The following PPTC7 variants were observed in gnomAD, a reference collection of about 807,000 sequenced individuals.
PPTC7 encodes protein phosphatase targeting COQ7, also known as protein phosphatase PTC7 homolog.
PPTC7 carries 6 observed loss-of-function variants against 30.8 expected under a neutral mutation model. The observed-to-expected ratio is 0.19, with a 90% confidence interval of 0.11 to 0.38. PPTC7 has a LOEUF of 0.38. Among genes scored for constraint, PPTC7 ranks in the 10% least tolerant of loss-of-function variants. The pLI is 1.00. For synonymous variants in PPTC7, 163 were observed against 168.1 expected (o/e 0.97, Z 0.23); for missense variants, 218 against 404.8 (o/e 0.54, Z 3.96).
At chr12:110,572,495 G>C (rs553460426) in intron 1 of PPTC7, among the ~76,000 whole-genome samples, 2 of 152,116 alleles carry the variant, frequency 1.3e-5, no homozygotes, top group African/African-American at 2.4e-5. Context: ...AGTCCAAAAA[G>C]AAATAAATTC....
intron 1 of PPTC7, among the ~76,000 whole-genome samples, chr12:110,557,595 T>C (rs577817250): frequency 3.9e-5 from 6 of 152,292 alleles, no homozygotes; most frequent in African/African-American, 1.4e-4. Flanking sequence ...ACACATATAT[T>C]AGGCATACTC....
At chr12:110,577,453 A>G (rs2064599551) in intron 1 of PPTC7, among the ~76,000 whole-genome samples, 1 of 152,164 alleles carries the variant, frequency 6.6e-6, no homozygotes, top group Non-Finnish European at 1.5e-5. Context: ...ACTTTTTTAA[A>G]AGGACAACTC....
At position 110,552,988 on chromosome 12, in the gene PPTC7, C is replaced by T. The variant is rs1174989611; in HGVS notation, c.224-1020G>A. ...CCTGAGGTCAGGAGATCGAGACCAGCCTGACCAACATGGTGAAACCCCGTT... is the reference window on the plus strand; with the variant it reads ...CCTGAGGTCAGGAGATCGAGACCAGTCTGACCAACATGGTGAAACCCCGTT... On this transcript the variant is annotated intron_variant, in intron 1 of 5. Transcript: ENST00000354300. 2.6e-5 allele frequency among the ~76,000 whole-genome samples: 4 copies of T among 152,064 alleles called. No homozygotes were observed. The East Asian group carries it at 7.9e-4, about 30-fold the overall frequency.
At chr12:110,557,148 A>T (rs1415236178) in intron 1 of PPTC7, among the ~76,000 whole-genome samples, 3 of 152,250 alleles carry the variant, frequency 2.0e-5, no homozygotes, top group African/African-American at 7.2e-5. Context: ...GGGAGCCACT[A>T]GCCACATGTG....
At chr12:110,551,038 T>C (rs2064346415) in intron 2 of PPTC7, among the ~76,000 whole-genome samples, 1 of 152,230 alleles carries the variant, frequency 6.6e-6, no homozygotes, top group Non-Finnish European at 1.5e-5. Context: ...TCTCTTCCCT[T>C]CACAACATGT....
rs1204535112 is a variant in PPTC7, at chr12:110,583,017, G to C, written c.15C>G (p.Leu5=). The part of the protein sequence containing the change: MFSV[L]SYGRLVARAV... ...CGCGGGCCACCAGCCGCCCGTACGA[G>C]AGGACCGAGAACATCGCCGCCGCCG... The change falls in exon 1 of 6, where the codon CTC becomes CTG. Residue 5 remains leucine (L), a synonymous_variant. Coordinates refer to ENST00000354300, the MANE Select transcript of PPTC7 (RefSeq NM_139283.2). 1 of 1,445,008 alleles carries C rather than the reference G, an allele frequency of 6.9e-7. No individual in the cohort carries two copies. The highest frequency in any genetic ancestry group is 3.0e-5 in the Admixed American group (1 of 33,502). 89.5% of individuals were successfully genotyped at this position (1,445,008 alleles called of 1,614,324 possible). A position where few individuals can be genotyped will look rare whatever the true frequency, so the allele number is the denominator to read the frequency against.
intron 2 of PPTC7, among the ~76,000 whole-genome samples, chr12:110,547,260 G>A (rs2135767938): frequency 6.6e-6 from 1 of 152,262 alleles, no homozygotes; most frequent in East Asian, 1.9e-4. Context: ...TAATACTCAG[G>A]AGTACAGGCT....
chr12:110,537,663 T>C (rs1310884732), intron 5 of PPTC7, among the ~76,000 whole-genome samples: 1 of 152,200 alleles, frequency 6.6e-6, no homozygotes, highest in Non-Finnish European at 1.5e-5. Flanking sequence ...TCACACATCA[T>C]GCTGTAGATA....
rs1398204066 is a variant in PPTC7, at chr12:110,534,385, C to G, written c.*2652G>C. 1.3e-5 allele frequency: 2 copies of G among 151,614 alleles called. No individual in the cohort carries two copies. Among genetic ancestry groups the G allele is most frequent in the Non-Finnish European group, 2.9e-5 (2 of 67,936 alleles). 9.4% of individuals were successfully genotyped at this position (151,614 alleles called of 1,614,324 possible). On this transcript the variant is annotated 3_prime_UTR_variant, in exon 6 of 6. Transcript: ENST00000354300. ...AATTTTTTCTTTTGTTATAAAAGTC[C>G]ATTACATGAGGCGTGTGTGTGTGTG...
intron 1 of PPTC7, among the ~76,000 whole-genome samples, chr12:110,577,321 T>G (rs933247054): frequency 1.3e-5 from 2 of 149,382 alleles, no homozygotes; most frequent in Non-Finnish European, 3.0e-5. Context: ...GAAAAAAAAA[T>G]TATGGTAATA....
chr12:110,536,973 G>T lies in PPTC7; in HGVS notation c.*64C>A. 1.6e-6 allele frequency: 2 copies of T among 1,244,470 alleles called. No individual in the cohort carries two copies. Among genetic ancestry groups the T allele is most frequent in the Non-Finnish European group, 2.4e-6 (2 of 844,564 alleles). 77.1% of individuals were successfully genotyped at this position (1,244,470 alleles called of 1,614,324 possible). A position where few individuals can be genotyped will look rare whatever the true frequency, so the allele number is the denominator to read the frequency against. On this transcript the variant is annotated 3_prime_UTR_variant, in exon 6 of 6. Coordinates refer to ENST00000354300, the MANE Select transcript of PPTC7 (RefSeq NM_139283.2). ...CAAAGAAATGTGGTCCTGCCAGCAGGATCAGCACACATGGCAGGGGAAATT... is the reference window on the plus strand; with the variant it reads ...CAAAGAAATGTGGTCCTGCCAGCAGTATCAGCACACATGGCAGGGGAAATT...
chr12:110,574,141 T>TAAAAAAAAAAAAAAAA (rs58133391), intron 1 of PPTC7, among the ~76,000 whole-genome samples: 3 of 37,444 alleles, frequency 8.0e-5, no homozygotes, highest in Admixed American at 5.1e-4. Context: ...CCACAATAAT[T>TAAAAAAAAAAAAAAAA]AAAAAAAAAA....
chr12:110,559,197 T>C (rs538092203), intron 1 of PPTC7, among the ~76,000 whole-genome samples: 4 of 151,888 alleles, frequency 2.6e-5, no homozygotes, highest in Non-Finnish European at 5.9e-5. Context: ...CTCATTTTTT[T>C]AAAAATTTTT....
intron 1 of PPTC7, among the ~76,000 whole-genome samples, chr12:110,566,623 C>T (rs1453644317): frequency 1.3e-5 from 2 of 152,042 alleles, no homozygotes; most frequent in African/African-American, 2.4e-5. Context: ...GAAAGGCTGG[C>T]GAGCAGCAAA....
intron 4 of PPTC7, among the ~76,000 whole-genome samples, chr12:110,538,835 CT>C (rs1198657162): frequency 2.0e-5 from 3 of 152,204 alleles, no homozygotes; most frequent in African/African-American, 7.2e-5. Flanking sequence ...TCAATGTCAC[CT>C]CCTCAAAAAG....
intron 1 of PPTC7, among the ~76,000 whole-genome samples, chr12:110,575,901 C>T (rs926115730): frequency 1.3e-4 from 20 of 152,202 alleles, no homozygotes; most frequent in African/African-American, 4.8e-4. Context: ...AATAAAGGTA[C>T]CTTAATAAGT....
intron 1 of PPTC7, among the ~76,000 whole-genome samples, chr12:110,578,417 C>A (rs953761213): frequency 2.0e-5 from 3 of 152,170 alleles, no homozygotes; most frequent in African/African-American, 7.2e-5. Flanking sequence ...GCACCTTTGA[C>A]AATTTTCTAG....
intron 5 of PPTC7, 121 bp downstream of exon 5, chr12:110,538,023 A>G: frequency 9.8e-7 from 1 of 1,019,478 alleles, no homozygotes; most frequent in Admixed American, 2.4e-5. Context: ...GAAAGCCACA[A>G]GTGCACAGTT....
At chr12:110,540,321 C>CTT (rs11369595) in intron 3 of PPTC7, among the ~76,000 whole-genome samples, 2,248 of 104,960 alleles carry the variant, frequency 0.021, 105 homozygotes, top group Middle Eastern at 0.047. Context: ...CCCCCCCCGC[C>CTT]TTTTTTTTTT....
Sources: gnomAD v4.1 joint callset for allele counts (sites outside exome capture counted in the v4.1 genomes callset) on GRCh38, gnomAD v4.1.1 for gene constraint, MANE v1.5 for transcripts, NCBI Gene and HGNC (gene_info 2026-07-23, HGNC 2026-07-21) for gene names.